Variants in ADAMTS12 observed in about 807,000 individuals in gnomAD.
ADAMTS12 encodes A disintegrin and metalloproteinase with thrombospondin motifs 12.
In ADAMTS12, 118 loss-of-function variants were observed where a neutral mutation model predicts 167.8. The ratio of observed to expected loss-of-function variants is 0.70; its 90% CI spans 0.61 to 0.82. The LOEUF is 0.82. ADAMTS12 is among the 40% of genes least tolerant of loss of function. The pLI, the probability that ADAMTS12 is intolerant of heterozygous loss-of-function variation, is 0.00. For synonymous variants in ADAMTS12, 704 were observed against 716.9 expected (o/e 0.98, Z 0.29); for missense variants, 1,916 against 1,998.8 (o/e 0.96, Z 0.79).
At chr5:33,744,083 C>A (rs1744697893) in intron 3 of ADAMTS12, among the ~76,000 whole-genome samples, 1 of 152,190 alleles carries the variant, frequency 6.6e-6, no homozygotes, top group Non-Finnish European at 1.5e-5. Flanking sequence ...TATTTAAGTT[C>A]CTGCCGTGGC....
intron 16 of ADAMTS12, among the ~76,000 whole-genome samples, chr5:33,596,479 C>T (rs573610047): frequency 6.6e-6 from 1 of 152,080 alleles, no homozygotes; most frequent in South Asian, 2.1e-4. Flanking sequence ...GTCAGAAGTT[C>T]GAGATCAGCC....
chr5:33,649,574 C>A lies in ADAMTS12; in HGVS notation c.1314G>T (p.Glu438Asp). ...TPLTWSKCSE[E>D]YITRFLDRGW... ...CTTACTCCAAGAAGCGGGTGATGTA[C>A]TCCTCGCTGCACTTGGACCATGTCA... is the stretch of plus-strand genomic sequence containing the variant. Residue 438 changes from glutamate to aspartate, a missense_variant, in exon 8 of 24, where the codon GAG (glutamate) becomes GAT (aspartate). By Grantham distance (45) the Glu-to-Asp change is conservative. Transcript: ENST00000504830. 4 of 1,613,878 alleles carry A rather than the reference C, an allele frequency of 2.5e-6. No homozygotes were observed. Among genetic ancestry groups the A allele is most frequent in the East Asian group, 4.5e-5 (2 of 44,854 alleles).
chr5:33,794,613 C>CCTGCATTCTAGTT (rs1746702706), intron 2 of ADAMTS12, among the ~76,000 whole-genome samples: 4 of 152,126 alleles, frequency 2.6e-5, no homozygotes, highest in Admixed American at 2.6e-4. Context: ...TGCAGGTAGG[C>CCTGCATTCTAGTT]ACGGCACTTC....
intron 2 of ADAMTS12, among the ~76,000 whole-genome samples, chr5:33,848,799 G>A (rs1331099016): frequency 1.3e-5 from 2 of 152,090 alleles, no homozygotes; most frequent in East Asian, 1.9e-4. Context: ...GCAGGCCTTG[G>A]AGAAGCAGAA....
At chr5:33,630,726 T>C in intron 13 of ADAMTS12, 54 bp downstream of exon 13, 1 of 1,561,640 alleles carries the variant, frequency 6.4e-7, no homozygotes, top group Non-Finnish European at 8.8e-7. Flanking sequence ...ACTTCCCAAA[T>C]TAGTAAAAGT....
Position 33,751,396 on chromosome 5 carries a change from C to G in ADAMTS12, c.634+8G>C. 6.2e-7 allele frequency: 1 copy of G among 1,614,072 alleles called. No homozygotes were observed. The highest frequency in any genetic ancestry group is 8.5e-7 in the Non-Finnish European group (1 of 1,179,996). Reference sequence around the variant, plus strand: ...CTTCAACCCAGGAGGACATGTGAGTCACAATACCCTTTAATCCACAGGTTG... The same window carrying G: ...CTTCAACCCAGGAGGACATGTGAGTGACAATACCCTTTAATCCACAGGTTG... On this transcript the variant is annotated splice_region_variant and intron_variant, in intron 3 of 23. Coordinates refer to ENST00000504830, the MANE Select transcript of ADAMTS12 (RefSeq NM_030955.4).
intron 2 of ADAMTS12, among the ~76,000 whole-genome samples, chr5:33,779,925 A>G (rs1007489072): frequency 2.0e-5 from 3 of 152,208 alleles, no homozygotes; most frequent in Admixed American, 6.5e-5. Flanking sequence ...TATAACAGTG[A>G]CTATAGTTAA....
chr5:33,714,405 A>G (rs1743523208), intron 3 of ADAMTS12, among the ~76,000 whole-genome samples: 1 of 152,142 alleles, frequency 6.6e-6, no homozygotes, highest in Non-Finnish European at 1.5e-5. Context: ...TTCTCAAAAA[A>G]CTAAAAATAG....
intron 2 of ADAMTS12, among the ~76,000 whole-genome samples, chr5:33,795,099 T>C (rs181637694): frequency 6.6e-6 from 1 of 152,344 alleles, no homozygotes; most frequent in African/African-American, 2.4e-5. Context: ...GGAAACTACA[T>C]GCATAGCAGA....
chr5:33,852,939 T>C (rs1029184885), intron 2 of ADAMTS12, among the ~76,000 whole-genome samples: 1 of 152,152 alleles, frequency 6.6e-6, no homozygotes, highest in Non-Finnish European at 1.5e-5. Context: ...TAAATCCCCA[T>C]TCATTTAGTC....
chr5:33,622,588 G>T (rs1324578000), intron 14 of ADAMTS12, among the ~76,000 whole-genome samples: 1 of 152,194 alleles, frequency 6.6e-6, no homozygotes, highest in Non-Finnish European at 1.5e-5. Flanking sequence ...CAGCAGCAGA[G>T]GTTGCAGTGA....
chr5:33,788,031 C>T (rs1050421288), intron 2 of ADAMTS12, among the ~76,000 whole-genome samples: 23 of 152,164 alleles, frequency 1.5e-4, no homozygotes, highest in Non-Finnish European at 2.4e-4. Context: ...CCATAATGAA[C>T]TTTTAAGGAT....
intron 2 of ADAMTS12, among the ~76,000 whole-genome samples, chr5:33,823,145 C>T (rs1028858849): frequency 6.6e-6 from 1 of 151,760 alleles, no homozygotes; most frequent in Non-Finnish European, 1.5e-5. Context: ...ATACAAAGCC[C>T]TCCTTTGGAC....
intron 2 of ADAMTS12, among the ~76,000 whole-genome samples, chr5:33,857,139 C>A (rs139495652): frequency 6.6e-6 from 1 of 152,152 alleles, no homozygotes; most frequent in Non-Finnish European, 1.5e-5. Flanking sequence ...GAGAATGCCA[C>A]GTTAAGTGAA....
chr5:33,550,951 T>C (rs901403785), intron 20 of ADAMTS12, among the ~76,000 whole-genome samples: 1 of 152,144 alleles, frequency 6.6e-6, no homozygotes, highest in Admixed American at 6.5e-5. Flanking sequence ...CCAGTAATCA[T>C]AGGATAAAGA....
At chr5:33,609,184 C>T (rs922068809) in intron 16 of ADAMTS12, among the ~76,000 whole-genome samples, 37 of 152,096 alleles carry the variant, frequency 2.4e-4, no homozygotes, top group African/African-American at 8.9e-4. Context: ...TCCTACTTTA[C>T]ACCTCACACA....
intron 23 of ADAMTS12, 33 bp from the exon 24 acceptor site, chr5:33,527,399 C>T: frequency 1.2e-6 from 2 of 1,603,728 alleles, no homozygotes; most frequent in Non-Finnish European, 1.7e-6. Context: ...AGAAAAAAGT[C>T]CAAAGATTAT....
chr5:33,534,811 C>A, intron 23 of ADAMTS12, 22 bp downstream of exon 23: 2 of 1,597,838 alleles, frequency 1.3e-6, no homozygotes, highest in Non-Finnish European at 8.5e-7. Context: ...CTCTTTCTCC[C>A]CGAGCAAACC....
At chr5:33,774,624 T>C (rs986992122) in intron 2 of ADAMTS12, among the ~76,000 whole-genome samples, 1 of 149,600 alleles carries the variant, frequency 6.7e-6, no homozygotes, top group Non-Finnish European at 1.5e-5. Context: ...TCATAGAAGA[T>C]TGAAAAGTTG....
Sources: allele counts gnomAD v4.1 joint callset (sites outside exome capture counted in the v4.1 genomes callset), GRCh38; gene constraint gnomAD v4.1.1; transcripts MANE v1.5; gene names NCBI Gene and HGNC (gene_info 2026-07-23, HGNC 2026-07-21).